ARFIP1: variants seen among roughly 807,000 people sequenced by gnomAD.
ARFIP1 encodes ARF interacting protein 1, also known as arfaptin-1.
In ARFIP1, 24 loss-of-function variants were observed where a neutral mutation model predicts 42.5. That is an observed-to-expected ratio of 0.57 (90% CI 0.41 to 0.80). The LOEUF is 0.80. ARFIP1 is among the 30% of genes least tolerant of loss of function. The pLI, the probability that ARFIP1 is intolerant of heterozygous loss-of-function variation, is 0.00. For missense variants in ARFIP1, 354 were observed against 434.0 expected, an observed-to-expected ratio of 0.82 and a Z score of 1.64; for synonymous variants, 141 against 153.7, an observed-to-expected ratio of 0.92 and a Z score of 0.61.
At chr4:152,891,025 G>A (rs1736798553) in intron 8 of ARFIP1, among the ~76,000 whole-genome samples, 1 of 152,120 alleles carries the variant, frequency 6.6e-6, no homozygotes, top group South Asian at 2.1e-4. Context: ...GTCTGGTGAG[G>A]GCCCACCTTC....
At position 152,905,169 on chromosome 4, in the gene ARFIP1, G is replaced by A. The variant is rs571442591; in HGVS notation, c.967-4895G>A. On this transcript the variant is annotated intron_variant, in intron 8 of 8. Coordinates refer to ENST00000353617, the MANE Select transcript of ARFIP1 (RefSeq NM_001025595.3). ...AAGTACAGCTATTATGAACTTTCATGTAGAAGTCGTTGCTTTCATTCCTCT... is the reference window on the plus strand; with the variant it reads ...AAGTACAGCTATTATGAACTTTCATATAGAAGTCGTTGCTTTCATTCCTCT... Among the ~76,000 whole-genome samples the A allele has an allele frequency of 7.9e-5, 12 of 152,336 alleles. No homozygotes were observed. The South Asian group carries it at 2.3e-3, about 29-fold the overall frequency.
In ARFIP1 at chr4:152,881,317, C is replaced by A. The variant is rs116450660; in HGVS notation, c.633+133C>A. 1.8e-3 allele frequency: 1,310 copies of A among 718,360 alleles called. 13 individuals are homozygous for A. In the African/African-American group the frequency reaches 0.018, roughly 10 times the overall value. The allele number at this position is 718,360 out of a possible 1,614,324, so 44.5% of individuals were successfully genotyped here. ...TCTGAGATTCTCTTTTAAGATATTT[C>A]ATATCACTTTAAGAAGGCCCTCTTA... On this transcript the variant is annotated intron_variant, in intron 6 of 8. Coordinates refer to ENST00000353617, the MANE Select transcript of ARFIP1 (RefSeq NM_001025595.3).
intron 1 of ARFIP1, among the ~76,000 whole-genome samples, chr4:152,793,953 ATTTTCTTCT>A (rs1356180730): frequency 6.6e-6 from 1 of 151,780 alleles, no homozygotes; most frequent in African/African-American, 2.4e-5. Flanking sequence ...ACTGGAAGAG[ATTTTCTTCT>A]TTTATTTAAA....
At chr4:152,883,497 G>A (rs1249878862) in intron 7 of ARFIP1, among the ~76,000 whole-genome samples, 4 of 151,898 alleles carry the variant, frequency 2.6e-5, no homozygotes, top group Admixed American at 6.6e-5. Flanking sequence ...ATTATAACAA[G>A]CCTTCAAACC....
rs1206439998 is a variant in ARFIP1, at chr4:152,898,959, C to T, written c.966+10652C>T. On this transcript the variant is annotated intron_variant, in intron 8 of 8. Transcript: ENST00000353617. ...GATAAGGCTTTTCCATTGGATGGGC[C>T]ATTGGTTTGACTAGTTCCTATTGCC... Among the ~76,000 whole-genome samples the T allele has an allele frequency of 5.9e-5, 9 of 152,216 alleles. No individual in the cohort carries two copies. The South Asian group carries it at 6.2e-4, about 11-fold the overall frequency.
intron 8 of ARFIP1, among the ~76,000 whole-genome samples, chr4:152,890,764 G>A (rs184985290): frequency 2.6e-5 from 4 of 152,270 alleles, no homozygotes; most frequent in African/African-American, 9.6e-5. Flanking sequence ...TGTGTGTTTA[G>A]AGTTTGGATG....
At chr4:152,789,111 G>A (rs904480238) in intron 1 of ARFIP1, among the ~76,000 whole-genome samples, 6 of 111,922 alleles carry the variant, frequency 5.4e-5, no homozygotes, top group Admixed American at 9.9e-5. Context: ...TTTTTTTTGA[G>A]GTAGAGTCTC....
chr4:152,796,645 A>G, intron 1 of ARFIP1: 1 of 890,354 alleles, frequency 1.1e-6, no homozygotes, highest in East Asian at 2.4e-5. Context: ...ATGCATCTTG[A>G]TGGTCTTTTT....
intron 2 of ARFIP1, among the ~76,000 whole-genome samples, chr4:152,855,344 G>A (rs540537372): frequency 1.6e-4 from 24 of 152,262 alleles, no homozygotes; most frequent in Non-Finnish European, 1.2e-4. Flanking sequence ...GTACAGGTGT[G>A]CTAGCTGTGG....
intron 8 of ARFIP1, among the ~76,000 whole-genome samples, chr4:152,890,380 A>G (rs926222068): frequency 6.6e-6 from 1 of 152,176 alleles, no homozygotes; most frequent in African/African-American, 2.4e-5. Context: ...AATCAGATGA[A>G]TGTTACTTCT....
chr4:152,863,133 C>T (rs982735512), intron 2 of ARFIP1, among the ~76,000 whole-genome samples: 2 of 152,108 alleles, frequency 1.3e-5, no homozygotes, highest in African/African-American at 4.8e-5. Context: ...TTACCTCACC[C>T]TGATTGAAGT....
At position 152,882,744 on chromosome 4, in the gene ARFIP1, G is replaced by A. The variant is rs1391737389; in HGVS notation, c.655G>A (p.Asp219Asn). 6.2e-7 allele frequency: 1 copy of A among 1,613,216 alleles called. No individual in the cohort carries two copies. The highest frequency in any genetic ancestry group is 1.3e-5 in the African/African-American group (1 of 74,862). The change falls in exon 7 of 9, where the codon GAT (aspartate) becomes AAT (asparagine). Residue 219 changes from aspartate to asparagine, a missense_variant. By Grantham distance (23) the Asp-to-Asn change is conservative. Coordinates refer to ENST00000353617, the MANE Select transcript of ARFIP1 (RefSeq NM_001025595.3). ...TTAGGAAGAATTTGGCTATAATGCCGATACCCAGAAACTGCTGGCTAAAAA... is the reference window on the plus strand; with the variant it reads ...TTAGGAAGAATTTGGCTATAATGCCAATACCCAGAAACTGCTGGCTAAAAA... ...ELHEEFGYNA[D>N]TQKLLAKNGE... is the part of the protein sequence containing the mutation.
chr4:152,779,998 C>T lies in ARFIP1; in HGVS notation c.-238C>T, dbSNP rs1481807516. On this transcript the variant is annotated 5_prime_UTR_variant, in exon 1 of 9. Transcript: ENST00000353617. ...CTGCTCTTGGTTCTGGTTCTGGAGG[C>T]TGGGTTGAGAGGTCGCCGGTCCGAC... 6.6e-6 allele frequency: 1 copy of T among 152,640 alleles called. No individual in the cohort carries two copies. Among genetic ancestry groups the T allele is most frequent in the Non-Finnish European group, 1.5e-5 (1 of 68,322 alleles). The allele number at this position is 152,640 out of a possible 1,614,324, so 9.5% of individuals were successfully genotyped here.
intron 2 of ARFIP1, among the ~76,000 whole-genome samples, chr4:152,831,760 T>G (rs1561128942): frequency 6.6e-6 from 1 of 152,094 alleles, no homozygotes; most frequent in African/African-American, 2.4e-5. Context: ...CTTATAGCAG[T>G]TTTTCTATCT....
At chr4:152,847,498 C>T (rs1732659626) in intron 2 of ARFIP1, among the ~76,000 whole-genome samples, 1 of 151,788 alleles carries the variant, frequency 6.6e-6, no homozygotes, top group South Asian at 2.1e-4. Flanking sequence ...TTAGTATTAT[C>T]TCAGTTTTTT....
intron 3 of ARFIP1, among the ~76,000 whole-genome samples, chr4:152,869,320 A>G (rs1315520631): frequency 3.3e-5 from 5 of 152,224 alleles, no homozygotes; most frequent in Admixed American, 2.0e-4. Context: ...CATTATAGAC[A>G]TTAAAATATT....
intron 5 of ARFIP1, among the ~76,000 whole-genome samples, chr4:152,875,127 C>T (rs914455135): frequency 6.6e-6 from 1 of 151,968 alleles, no homozygotes; most frequent in African/African-American, 2.4e-5. Flanking sequence ...ATTTTGGTCC[C>T]AAGACCAACA....
chr4:152,825,862 T>G (rs116450170), intron 1 of ARFIP1, among the ~76,000 whole-genome samples: 2,153 of 152,204 alleles, frequency 0.014, 49 homozygotes, highest in African/African-American at 0.048. Context: ...TGACCAGACA[T>G]TTCTCAAAAG....
At chr4:152,803,585 C>T (rs1488161406) in intron 1 of ARFIP1, among the ~76,000 whole-genome samples, 2 of 152,126 alleles carry the variant, frequency 1.3e-5, no homozygotes, top group Non-Finnish European at 2.9e-5. Context: ...TTGAAAACCA[C>T]TGAGCTGTCA....
Sources: gnomAD v4.1 joint callset for allele counts (sites outside exome capture counted in the v4.1 genomes callset) on GRCh38, gnomAD v4.1.1 for gene constraint, MANE v1.5 for transcripts, NCBI Gene and HGNC (gene_info 2026-07-23, HGNC 2026-07-21) for gene names.